Variants in CUL9 observed in about 807,000 individuals in gnomAD.
CUL9 encodes cullin-9.
In CUL9, 79 loss-of-function variants were observed where a neutral mutation model predicts 272.6. The ratio of observed to expected loss-of-function variants is 0.29; its 90% CI spans 0.24 to 0.35. The LOEUF is 0.35. Among genes scored for constraint, CUL9 ranks in the 10% least tolerant of loss-of-function variants. The probability of loss-of-function intolerance (pLI) is 1.00; values close to 1 mark genes in which losing one functional copy is unlikely to be tolerated. For missense variants in CUL9, 2,532 were observed against 3,255.6 expected (o/e 0.78, Z 5.41); for synonymous variants, 1,186 against 1,286.5 (o/e 0.92, Z 1.67).
In CUL9 at chr6:43,199,102, A is replaced by T. The variant is rs1358849879; in HGVS notation, c.3051-164A>T. Reference sequence around the variant, plus strand: ...CAGGCATGTGCCACCATGCCCAGCTAATTTTGTATTTTTAGTAGAGATGGG... The same window carrying T: ...CAGGCATGTGCCACCATGCCCAGCTTATTTTGTATTTTTAGTAGAGATGGG... On this transcript the variant is annotated intron_variant, in intron 12 of 40. Transcript: ENST00000252050. This position sits in a 1 kb window ranked among gnomAD's most constrained non-coding sequence, Gnocchi z 4.4. 1.3e-5 allele frequency among the ~76,000 whole-genome samples: 2 copies of T among 151,888 alleles called. No homozygotes were observed. The highest frequency in any genetic ancestry group is 6.5e-5 in the Admixed American group (1 of 15,270).
intron 1 of CUL9, 60 bp downstream of exon 1, chr6:43,182,309 C>G (rs1772452628): frequency 6.6e-6 from 1 of 152,352 alleles, no homozygotes; most frequent in African/African-American, 2.4e-5. Context: ...CTCCCCGGTC[C>G]TTTAGCCACT....
chr6:43,203,602 G>T lies in CUL9; in HGVS notation c.4025+10G>T. 6.2e-7 allele frequency: 1 copy of T among 1,611,156 alleles called. No individual in the cohort carries two copies. The highest frequency in any genetic ancestry group is 1.1e-5 in the South Asian group (1 of 90,984). ...TCCAGCTCTGTCCCAGGTGGGTGGG[G>T]CCTGAGGAGGGAAGATGGGTAAGGG... On this transcript the variant is annotated intron_variant, in intron 19 of 40. Coordinates refer to ENST00000252050, the MANE Select transcript of CUL9 (RefSeq NM_015089.4). The surrounding 1 kb of genome is among the most constrained non-coding windows in gnomAD (Gnocchi z 5.0).
In CUL9 at chr6:43,204,541, T is replaced by C; in HGVS notation, c.4339+2T>C. 1 of 1,614,016 alleles carries C rather than the reference T, an allele frequency of 6.2e-7. No individual in the cohort carries two copies. Among genetic ancestry groups the C allele is most frequent in the Non-Finnish European group, 8.5e-7 (1 of 1,179,994 alleles). ...CTCCTGAGCCATCCACTCGGCCCTG[T>C]AAGTCCCAGCTGTGGCCAGTGGAGC... is the stretch of plus-strand genomic sequence containing the variant. On this transcript the variant is annotated splice_donor_variant, in intron 21 of 40. Coordinates refer to ENST00000252050, the MANE Select transcript of CUL9 (RefSeq NM_015089.4). LOFTEE classifies it high-confidence loss of function.
At position 43,223,482 on chromosome 6, in the gene CUL9, C is replaced by A; in HGVS notation, c.7284+85C>A. 6.8e-7 allele frequency: 1 copy of A among 1,479,640 alleles called. No homozygotes were observed. The highest frequency in any genetic ancestry group is 9.0e-7 in the Non-Finnish European group (1 of 1,106,306). 91.7% of individuals were successfully genotyped at this position (1,479,640 alleles called of 1,614,324 possible). On this transcript the variant is annotated intron_variant, in intron 39 of 40. Coordinates refer to ENST00000252050, the MANE Select transcript of CUL9 (RefSeq NM_015089.4). The surrounding 1 kb of genome is among the most constrained non-coding windows in gnomAD (Gnocchi z 4.1). ...TCCCAGCACAGCCCCTGCCCTGGGG[C>A]GAGTCCAGAAGGAAAGGCAGCAAAG...
Position 43,224,498 on chromosome 6 carries a change from G to A in CUL9, c.*53G>A. 6.5e-7 allele frequency: 1 copy of A among 1,540,982 alleles called. No homozygotes were observed. The highest frequency in any genetic ancestry group is 8.8e-7 in the Non-Finnish European group (1 of 1,134,336). The stretch of plus-strand genomic sequence containing the variant: ...CAGCCCCAGAGTCACGGGGCTGAGG[G>A]GGCGGGAGCTGCCCCTGTCATAGGG... On this transcript the variant is annotated 3_prime_UTR_variant, in exon 41 of 41. Transcript: ENST00000252050. The surrounding 1 kb of genome is among the most constrained non-coding windows in gnomAD (Gnocchi z 4.2).
At chr6:43,194,479 C>T (rs2150551395) in intron 9 of CUL9, among the ~76,000 whole-genome samples, 1 of 151,950 alleles carries the variant, frequency 6.6e-6, no homozygotes, top group Non-Finnish European at 1.5e-5. Flanking sequence ...CCACCATGCC[C>T]AGCTTAATTT....
At position 43,205,414 on chromosome 6, in the gene CUL9, A is replaced by G. The variant is rs750297953; in HGVS notation, c.4784A>G (p.His1595Arg). Residue 1595 changes from histidine (H) to arginine (R), a missense_variant, in exon 24 of 41, where the codon CAC (histidine) becomes CGC (arginine). By Grantham distance (29) the His-to-Arg change is conservative. Transcript: ENST00000252050. ...CTGGAACTGGCCACAACTTTTGAGC[A>G]CTTCTATCAGTGAGTGCAGGTCTGG... ...SGLELATTFE[H>R]FYQHYMADRL... 1.9e-6 allele frequency: 3 copies of G among 1,614,006 alleles called. No individual in the cohort carries two copies. Among genetic ancestry groups the G allele is most frequent in the East Asian group, 2.2e-5 (1 of 44,874 alleles).
chr6:43,183,358 T>C (rs1772594025), intron 1 of CUL9, among the ~76,000 whole-genome samples: 1 of 152,216 alleles, frequency 6.6e-6, no homozygotes, highest in Non-Finnish European at 1.5e-5. Context: ...GACTCGAATA[T>C]ACTTTTCCTA....
rs762040596 is a variant in CUL9 at position 43,222,647 on chromosome 6, A to G, written c.7032+6A>G. ...GACTGGAGCAGGCTCGGAAGGTGGT[A>G]GCGGGTGGGGGAAGAGAGCAGGGGA... On this transcript the variant is annotated splice_donor_region_variant and intron_variant, in intron 37 of 40. Coordinates refer to ENST00000252050, the MANE Select transcript of CUL9 (RefSeq NM_015089.4). The G allele has an allele frequency of 1.2e-6, 2 of 1,611,488 alleles. No individual in the cohort carries two copies. Among genetic ancestry groups the G allele is most frequent in the Admixed American group, 3.3e-5 (2 of 60,014 alleles).
At chr6:43,222,027 C>T (rs1405028861) in intron 35 of CUL9, 2 of 593,712 alleles carry the variant, frequency 3.4e-6, no homozygotes, top group Non-Finnish European at 6.0e-6. Context: ...GAGGGCTGGG[C>T]ACTCTCAGAA....
Position 43,206,645 on chromosome 6 carries a change from G to T in CUL9, c.5212+135G>T. On this transcript the variant is annotated intron_variant, in intron 26 of 40. Coordinates refer to ENST00000252050, the MANE Select transcript of CUL9 (RefSeq NM_015089.4). The surrounding 1 kb of genome is among the most constrained non-coding windows in gnomAD (Gnocchi z 4.8). ...TCCTAGCGAGGGATGAGAAAGCATG[G>T]GTTGTAGTTTCATTAATTTCTGCTC... is the stretch of plus-strand genomic sequence containing the variant. The T allele has an allele frequency of 1.4e-6, 1 of 699,534 alleles. No individual in the cohort carries two copies. The highest frequency in any genetic ancestry group is 2.3e-6 in the Non-Finnish European group (1 of 426,410). The allele number at this position is 699,534 out of a possible 1,614,324, so 43.3% of individuals were successfully genotyped here. A position where few individuals can be genotyped will look rare whatever the true frequency, so the allele number is the denominator to read the frequency against.
rs775813149 is a variant in CUL9 at position 43,216,217 on chromosome 6, C to G, written c.5996C>G (p.Pro1999Arg). 1.5e-5 allele frequency: 24 copies of G among 1,613,514 alleles called. No individual in the cohort carries two copies. The highest frequency in any genetic ancestry group is 1.8e-5 in the Non-Finnish European group (21 of 1,179,650). The change falls in exon 31 of 41, where the codon CCC becomes CGC. Residue 1999 changes from proline to arginine, a missense_variant. Physicochemically the swap from Pro to Arg is moderately radical, Grantham distance 103 (BLOSUM62 -2). Coordinates refer to ENST00000252050, the MANE Select transcript of CUL9 (RefSeq NM_015089.4). ...LQLPAGRTMS[P>R]QEVEGLMKQT... Reference sequence around the variant, plus strand: ...CTGCCTGCAGGCCGCACCATGAGCCCCCAGGAAGTAGAAGGGTTGATGAAG... The same window carrying G: ...CTGCCTGCAGGCCGCACCATGAGCCGCCAGGAAGTAGAAGGGTTGATGAAG...
chr6:43,201,289 G>A (rs1164056109), intron 16 of CUL9, among the ~76,000 whole-genome samples: 1 of 152,192 alleles, frequency 6.6e-6, no homozygotes, highest in Non-Finnish European at 1.5e-5. Flanking sequence ...ACAGGCATGA[G>A]AGCAGACTTC....
At chr6:43,193,931 T>C (rs2150549247) in intron 9 of CUL9, among the ~76,000 whole-genome samples, 1 of 152,342 alleles carries the variant, frequency 6.6e-6, no homozygotes, top group South Asian at 2.1e-4. Flanking sequence ...TATTTTTTTT[T>C]CCTCTTTTAT....
chr6:43,182,853 A>C (rs986040167), intron 1 of CUL9, among the ~76,000 whole-genome samples: 10 of 152,108 alleles, frequency 6.6e-5, no homozygotes, highest in African/African-American at 2.4e-4. Context: ...ACTGCTTCAT[A>C]TCACGCATAT....
At chr6:43,185,374 G>A (rs1772812486) in intron 2 of CUL9, 82 bp from the exon 3 acceptor site, 1 of 1,463,326 alleles carries the variant, frequency 6.8e-7, no homozygotes, top group Non-Finnish European at 9.4e-7. Flanking sequence ...GAAAGCGTCT[G>A]GGGTAGGAGA....
At chr6:43,202,966 G>T in intron 17 of CUL9, 143 bp from the exon 18 acceptor site, 1 of 1,183,916 alleles carries the variant, frequency 8.4e-7, no homozygotes, top group Non-Finnish European at 1.2e-6. Context: ...AGTGGGATTA[G>T]GGATGCAGAG....
chr6:43,189,783 T>A (rs1475807735), intron 8 of CUL9, among the ~76,000 whole-genome samples: 1 of 151,638 alleles, frequency 6.6e-6, no homozygotes, highest in Non-Finnish European at 1.5e-5. Flanking sequence ...CCTCAGATGA[T>A]CCAGTCTCCC....
At position 43,184,204 on chromosome 6, in the gene CUL9, G is replaced by C. The variant is rs1053883425; in HGVS notation, c.-9-98G>C. ...CCTAAATTCTACCATGCAGCCTACCGATCACCACCCACCTTCTCTGTGTCT... is the reference window on the plus strand; with the variant it reads ...CCTAAATTCTACCATGCAGCCTACCCATCACCACCCACCTTCTCTGTGTCT... On this transcript the variant is annotated intron_variant, in intron 1 of 40. Coordinates refer to ENST00000252050, the MANE Select transcript of CUL9 (RefSeq NM_015089.4). The surrounding 1 kb of genome is among the most constrained non-coding windows in gnomAD (Gnocchi z 4.8). The C allele has an allele frequency of 4.4e-6, 4 of 917,954 alleles. No homozygotes were observed. The African/African-American group carries it at 6.8e-5, about 16-fold the overall frequency. The allele number at this position is 917,954 out of a possible 1,614,324, so 56.9% of individuals were successfully genotyped here.
Sources: gnomAD v4.1 joint callset for allele counts (sites outside exome capture counted in the v4.1 genomes callset) on GRCh38, gnomAD v4.1.1 for gene constraint, Gnocchi (gnomAD v3.1) non-coding constraint, MANE v1.5 for transcripts, NCBI Gene and HGNC (gene_info 2026-07-23, HGNC 2026-07-21) for gene names.